The following PCCA variants were observed in gnomAD, a reference collection of about 807,000 sequenced individuals.
PCCA encodes the protein propionyl-CoA carboxylase subunit alpha, also known as propionyl-CoA carboxylase alpha chain, mitochondrial.
A neutral mutation model predicts 101.3 loss-of-function variants in PCCA; 74 were observed. The observed-to-expected ratio is 0.73, with a 90% CI of 0.61 to 0.89. The LOEUF (loss-of-function observed/expected upper bound fraction) is 0.89, where lower values mean the gene tolerates loss of function less well. Among genes scored for constraint, PCCA ranks in the 40% least tolerant of loss-of-function variants. The probability of loss-of-function intolerance (pLI) is 0.00; values close to 1 mark genes in which losing one functional copy is unlikely to be tolerated. For missense variants in PCCA, 891 were observed against 907.0 expected, an observed-to-expected ratio of 0.98 and a Z score of 0.23; for synonymous variants, 294 against 313.6, an observed-to-expected ratio of 0.94 and a Z score of 0.66.
At chr13:100,284,647 C>CCAGTTGTA (rs1342925799) in intron 12 of PCCA, among the ~76,000 whole-genome samples, 2 of 152,204 alleles carry the variant, frequency 1.3e-5, no homozygotes, top group Admixed American at 6.5e-5. Flanking sequence ...TCCACTATAT[C>CCAGTTGTA]CAGTTGTACC....
intron 19 of PCCA, among the ~76,000 whole-genome samples, chr13:100,423,619 G>T (rs2078964201): frequency 6.6e-6 from 1 of 152,098 alleles, no homozygotes; most frequent in African/African-American, 2.4e-5. Flanking sequence ...TGTAGATGAT[G>T]AAATGTAGTG....
At chr13:100,168,402 G>T (rs986948222) in intron 6 of PCCA, among the ~76,000 whole-genome samples, 2 of 152,166 alleles carry the variant, frequency 1.3e-5, no homozygotes, top group Non-Finnish European at 2.9e-5. Flanking sequence ...CAATTAGACA[G>T]AAATAGGAAG....
chr13:100,517,320 C>G (rs562809031), intron 22 of PCCA, among the ~76,000 whole-genome samples: 1 of 152,188 alleles, frequency 6.6e-6, no homozygotes, highest in Non-Finnish European at 1.5e-5. Flanking sequence ...TTAACAGCTG[C>G]TGGCTCCTGA....
rs142725329 is a variant in PCCA at position 100,225,549 on chromosome 13, G to T, written c.601-10293G>T. 1.8e-3 allele frequency among the ~76,000 whole-genome samples: 268 copies of T among 152,222 alleles called. 2 individuals carry two copies. The highest frequency in any genetic ancestry group is 6.2e-3 in the African/African-American group (256 of 41,554). On this transcript the variant is annotated intron_variant, in intron 7 of 23. Transcript: ENST00000376285. ...CAGAAGGAGGCAAATAACTAAGAAA[G>T]CTAGTGTGAAGGAAATCATTTAAAA...
chr13:100,282,591 T>A (rs1325754603), intron 12 of PCCA, among the ~76,000 whole-genome samples: 2 of 152,202 alleles, frequency 1.3e-5, no homozygotes, highest in Non-Finnish European at 2.9e-5. Flanking sequence ...GTGGAGGTTG[T>A]ACTGGGTCCC....
chr13:100,515,041 G>C (rs2086728515), intron 21 of PCCA, among the ~76,000 whole-genome samples: 1 of 152,214 alleles, frequency 6.6e-6, no homozygotes, highest in Non-Finnish European at 1.5e-5. Flanking sequence ...CTGTCCACAT[G>C]TCACCTCCTC....
At chr13:100,296,675 A>G (rs1233491592) in intron 12 of PCCA, among the ~76,000 whole-genome samples, 2 of 152,182 alleles carry the variant, frequency 1.3e-5, no homozygotes, top group East Asian at 1.9e-4. Context: ...CTTTCTATCT[A>G]TATCTGTATT....
chr13:100,478,051 G>A (rs893969291), intron 21 of PCCA, among the ~76,000 whole-genome samples: 3 of 152,234 alleles, frequency 2.0e-5, no homozygotes, highest in Non-Finnish European at 2.9e-5. Flanking sequence ...CTTAGCAAAT[G>A]ATCAGCTGTG....
At chr13:100,305,875 TG>T (rs1229346712) in intron 14 of PCCA, 1 of 415,042 alleles carries the variant, frequency 2.4e-6, no homozygotes. Context: ...TTAAGATTTT[TG>T]TATATGAATG....
chr13:100,355,289 A>G (rs2073857433), intron 18 of PCCA, among the ~76,000 whole-genome samples: 1 of 152,182 alleles, frequency 6.6e-6, no homozygotes, highest in Non-Finnish European at 1.5e-5. Context: ...CCTACTCGGA[A>G]TAGAAGGCAA....
intron 21 of PCCA, among the ~76,000 whole-genome samples, chr13:100,473,705 C>A (rs1028395176): frequency 3.3e-5 from 5 of 152,190 alleles, no homozygotes; most frequent in African/African-American, 1.2e-4. Context: ...CCACCCCTAG[C>A]CTGCTCCGAG....
Position 100,515,455 on chromosome 13 carries a change from C to A in PCCA, c.1928C>A (p.Ala643Asp), listed in dbSNP as rs1160027264. The change falls in exon 22 of 24, where the codon GCC becomes GAC. Residue 643 changes from alanine (A) to aspartate (D), a missense_variant. Ala to Asp is a moderately radical substitution (Grantham distance 126). Transcript: ENST00000376285. The part of the protein sequence containing the change: ...VYKVNILTRL[A>D]AELNKFMLEK... ...AAGGTGAATATCTTAACCAGACTTG[C>A]CGCAGAATTGAACAAATTTATGCTG... The A allele has an allele frequency of 6.2e-7, 1 of 1,613,940 alleles. No individual in the cohort carries two copies. Among genetic ancestry groups the A allele is most frequent in the Non-Finnish European group, 8.5e-7 (1 of 1,179,932 alleles).
chr13:100,104,990 A>G (rs1026905008), intron 2 of PCCA, among the ~76,000 whole-genome samples: 2 of 152,216 alleles, frequency 1.3e-5, no homozygotes, highest in Non-Finnish European at 2.9e-5. Flanking sequence ...GGCATGAGCC[A>G]CTGCACTTGG....
chr13:100,136,292 TCTC>T (rs538400277), intron 4 of PCCA, among the ~76,000 whole-genome samples: 3 of 151,512 alleles, frequency 2.0e-5, no homozygotes, highest in Non-Finnish European at 2.9e-5. Context: ...TTCAAGTGAT[TCTC>T]CTGCCTCAGC....
intron 18 of PCCA, among the ~76,000 whole-genome samples, chr13:100,349,855 T>A (rs1199751184): frequency 6.6e-6 from 1 of 152,184 alleles, no homozygotes; most frequent in Non-Finnish European, 1.5e-5. Flanking sequence ...TACTTCCTCT[T>A]GGGTTCTTTG....
At chr13:100,448,657 A>G (rs2081009617) in intron 20 of PCCA, among the ~76,000 whole-genome samples, 1 of 152,256 alleles carries the variant, frequency 6.6e-6, no homozygotes, top group African/African-American at 2.4e-5. Context: ...TGCAAGTGAT[A>G]TATTTGCTGT....
chr13:100,527,769 C>T lies in PCCA; in HGVS notation c.2118+17C>T. On this transcript the variant is annotated intron_variant, in intron 23 of 23. Transcript: ENST00000376285. ...ACTGGCACGGTGAGTCCCTAAGTCC[C>T]CATCAGCCCAGGCCGGCCCTGTGAT... 1 of 1,585,584 alleles carries T rather than the reference C, an allele frequency of 6.3e-7. No homozygotes were observed. The highest frequency in any genetic ancestry group is 8.7e-7 in the Non-Finnish European group (1 of 1,155,238).
At chr13:100,414,296 G>A (rs577538944) in intron 19 of PCCA, among the ~76,000 whole-genome samples, 1 of 152,250 alleles carries the variant, frequency 6.6e-6, no homozygotes, top group African/African-American at 2.4e-5. Flanking sequence ...TTATAAAAAT[G>A]GTTGCCTCCT....
chr13:100,177,041 T>C (rs1170867215), intron 6 of PCCA, among the ~76,000 whole-genome samples: 1 of 152,222 alleles, frequency 6.6e-6, no homozygotes, highest in African/African-American at 2.4e-5. Context: ...CTGTCCAAGC[T>C]GTCATCTACA....
Sources: allele counts gnomAD v4.1 joint callset (sites outside exome capture counted in the v4.1 genomes callset), GRCh38; gene constraint gnomAD v4.1.1; transcripts MANE v1.5; gene names NCBI Gene and HGNC (gene_info 2026-07-23, HGNC 2026-07-21).